Variants in LRP1B observed in about 807,000 individuals in gnomAD.
The protein encoded by LRP1B is low-density lipoprotein receptor-related protein 1B.
Under a neutral mutation model 556.6 loss-of-function variants are expected in LRP1B, and 217 were observed. The ratio of observed to expected loss-of-function variants is 0.39; its 90% CI spans 0.35 to 0.44. The LOEUF is 0.44. Among genes scored for constraint, LRP1B ranks in the 20% least tolerant of loss-of-function variants. The pLI is 1.00. For missense variants in LRP1B, 5,053 were observed against 5,620.8 expected (o/e 0.90, Z 3.23); for synonymous variants, 2,047 against 1,865.8 (o/e 1.10, Z -2.50).
intron 2 of LRP1B, among the ~76,000 whole-genome samples, chr2:141,715,169 A>G (rs895203647): frequency 6.6e-6 from 1 of 152,148 alleles, no homozygotes; most frequent in Admixed American, 6.5e-5. Flanking sequence ...CAAAATGAAC[A>G]TTAAAGTTAG....
Position 141,066,285 on chromosome 2 carries a change from C to G in LRP1B, c.1014-4012G>C, listed in dbSNP as rs543816540. On this transcript the variant is annotated intron_variant, in intron 7 of 90. Coordinates refer to ENST00000389484, the MANE Select transcript of LRP1B (RefSeq NM_018557.3). ...GTCAGATATGGGAAACTGTTTTTGT[C>G]TGACATCTTTGTGATTATATGAGCA... Among the ~76,000 whole-genome samples the G allele has an allele frequency of 9.9e-5, 15 of 152,004 alleles. No individual in the cohort carries two copies. In the South Asian group the frequency reaches 3.1e-3, roughly 31 times the overall value.
intron 3 of LRP1B, among the ~76,000 whole-genome samples, chr2:141,478,483 T>C (rs375090788): frequency 6.6e-6 from 1 of 152,034 alleles, no homozygotes; most frequent in Non-Finnish European, 1.5e-5. Flanking sequence ...ATGCCTATCA[T>C]TTAAAAATCC....
intron 7 of LRP1B, among the ~76,000 whole-genome samples, chr2:141,188,004 TC>T (rs1681333314): frequency 6.6e-6 from 1 of 152,042 alleles, no homozygotes; most frequent in Non-Finnish European, 1.5e-5. Flanking sequence ...CTTTTGTAAA[TC>T]CTAAACGTTA....
At chr2:142,032,046 G>T (rs1336946935) in intron 1 of LRP1B, among the ~76,000 whole-genome samples, 1 of 151,790 alleles carries the variant, frequency 6.6e-6, no homozygotes, top group Non-Finnish European at 1.5e-5. Flanking sequence ...CCCTGCCAAC[G>T]CCTTGATCTC....
intron 41 of LRP1B, among the ~76,000 whole-genome samples, chr2:140,651,286 G>A (rs1272568903): frequency 7.0e-6 from 1 of 142,236 alleles, no homozygotes; most frequent in African/African-American, 2.6e-5. Context: ...CTCACTCATA[G>A]GTGGGAATTG....
At chr2:141,406,073 G>T (rs1471095063) in intron 3 of LRP1B, among the ~76,000 whole-genome samples, 1 of 152,000 alleles carries the variant, frequency 6.6e-6, no homozygotes, top group Admixed American at 6.6e-5. Context: ...CTTATAAGTA[G>T]ATCTTTGTAA....
intron 31 of LRP1B, among the ~76,000 whole-genome samples, chr2:140,830,224 A>G (rs555255724): frequency 6.6e-6 from 1 of 152,208 alleles, no homozygotes; most frequent in South Asian, 2.1e-4. Context: ...GTATTTATAA[A>G]ACTCGAAGTG....
chr2:142,009,928 A>C (rs757932181), intron 1 of LRP1B, among the ~76,000 whole-genome samples: 1 of 152,132 alleles, frequency 6.6e-6, no homozygotes, highest in Admixed American at 6.6e-5. Context: ...GCATATGTAG[A>C]TGTATACATG....
intron 1 of LRP1B, among the ~76,000 whole-genome samples, chr2:142,068,722 C>A (rs13422569): frequency 0.059 from 9,018 of 151,606 alleles, 625 homozygotes; most frequent in African/African-American, 0.17. Flanking sequence ...CAGAACAGAG[C>A]TGTTTCCATT....
intron 4 of LRP1B, among the ~76,000 whole-genome samples, chr2:141,254,158 A>G (rs1266068360): frequency 6.6e-6 from 1 of 152,124 alleles, no homozygotes; most frequent in East Asian, 1.9e-4. Flanking sequence ...AGAACATTAC[A>G]TGATTAGCAA....
intron 2 of LRP1B, among the ~76,000 whole-genome samples, chr2:141,702,928 A>T (rs548236969): frequency 6.6e-6 from 1 of 151,874 alleles, no homozygotes; most frequent in African/African-American, 2.4e-5. Context: ...TTCTCCTTTA[A>T]TCAAGGGATT....
intron 45 of LRP1B, among the ~76,000 whole-genome samples, chr2:140,537,354 T>C (rs1679953710): frequency 6.6e-6 from 1 of 151,868 alleles, no homozygotes; most frequent in South Asian, 2.1e-4. Flanking sequence ...TTTCAGTGCA[T>C]AGAGTACCCA....
chr2:140,950,551 T>C, intron 19 of LRP1B, 149 bp from the exon 20 acceptor site: 1 of 533,048 alleles, frequency 1.9e-6, no homozygotes. Flanking sequence ...TGGCACTATC[T>C]CGGCTCACTG....
chr2:142,103,930 A>G (rs1400013063), intron 1 of LRP1B, among the ~76,000 whole-genome samples: 2 of 152,082 alleles, frequency 1.3e-5, no homozygotes, highest in African/African-American at 4.8e-5. Flanking sequence ...CTTCCTCACA[A>G]GTGTCTGATC....
intron 1 of LRP1B, among the ~76,000 whole-genome samples, chr2:142,109,172 C>G (rs1379925123): frequency 1.3e-5 from 2 of 152,122 alleles, no homozygotes; most frequent in African/African-American, 4.8e-5. Flanking sequence ...ATGTGAAGAT[C>G]AACTTAAAGA....
At chr2:140,691,712 C>G (rs1559057709) in intron 41 of LRP1B, among the ~76,000 whole-genome samples, 1 of 152,012 alleles carries the variant, frequency 6.6e-6, no homozygotes, top group Non-Finnish European at 1.5e-5. Flanking sequence ...TCATGTCATT[C>G]AACATGGTTG....
chr2:140,785,304 A>T (rs1689856614), intron 32 of LRP1B, among the ~76,000 whole-genome samples: 1 of 152,186 alleles, frequency 6.6e-6, no homozygotes, highest in Admixed American at 6.5e-5. Context: ...ACATCAAAGG[A>T]GTAAACTGGA....
intron 89 of LRP1B, among the ~76,000 whole-genome samples, chr2:140,235,711 T>C (rs985979559): frequency 2.0e-5 from 3 of 151,082 alleles, no homozygotes; most frequent in Non-Finnish European, 4.5e-5. Flanking sequence ...TTTATCTTCC[T>C]AGAGTAAATG....
intron 66 of LRP1B, among the ~76,000 whole-genome samples, chr2:140,389,728 T>A (rs995465998): frequency 2.7e-5 from 4 of 147,428 alleles, no homozygotes; most frequent in African/African-American, 9.9e-5. Context: ...TATAGTTATA[T>A]ATATGTATAT....
Sources: gnomAD v4.1 joint callset for allele counts (sites outside exome capture counted in the v4.1 genomes callset) on GRCh38, gnomAD v4.1.1 for gene constraint, MANE v1.5 for transcripts, NCBI Gene and HGNC (gene_info 2026-07-23, HGNC 2026-07-21) for gene names.